NFATC2: variants seen among roughly 807,000 people sequenced by gnomAD.
NFATC2 encodes the protein nuclear factor of activated T-cells, cytoplasmic 2.
Under a neutral mutation model 87.3 loss-of-function variants are expected in NFATC2, and 22 were observed. The ratio of observed to expected loss-of-function variants is 0.25; its 90% CI spans 0.18 to 0.36. The LOEUF (loss-of-function observed/expected upper bound fraction) is 0.36, where lower values mean the gene tolerates loss of function less well. Ranked by LOEUF, NFATC2 falls within the 10% of genes least tolerant of loss-of-function variation. The probability of loss-of-function intolerance (pLI) is 1.00; values close to 1 mark genes in which losing one functional copy is unlikely to be tolerated. For synonymous variants in NFATC2, 565 were observed against 542.2 expected, an observed-to-expected ratio of 1.04 and a Z score of -0.58; for missense variants, 1,149 against 1,259.1, an observed-to-expected ratio of 0.91 and a Z score of 1.32.
At chr20:51,423,283 C>T (rs986343304) in intron 9 of NFATC2, among the ~76,000 whole-genome samples, 1 of 126,374 alleles carries the variant, frequency 7.9e-6, no homozygotes, top group Non-Finnish European at 1.6e-5. Context: ...GAGTGAGAGA[C>T]CCTCTCTCAA....
intron 5 of NFATC2, among the ~76,000 whole-genome samples, chr20:51,462,374 A>T (rs986210566): frequency 1.2e-4 from 19 of 152,146 alleles, no homozygotes; most frequent in Non-Finnish European, 2.2e-4. Context: ...TGAACCCGGT[A>T]GGCAGAAGTT....
intron 9 of NFATC2, among the ~76,000 whole-genome samples, chr20:51,430,320 T>G (rs899508409): frequency 1.3e-5 from 2 of 152,216 alleles, no homozygotes; most frequent in African/African-American, 4.8e-5. Flanking sequence ...GTTACGACCA[T>G]GCTTCATTGA....
Position 51,524,135 on chromosome 20 carries a change from T to G in NFATC2, c.131-25A>C, listed in dbSNP as rs761462314. 7.0e-7 allele frequency: 1 copy of G among 1,436,356 alleles called. No homozygotes were observed. The highest frequency in any genetic ancestry group is 9.1e-7 in the Non-Finnish European group (1 of 1,096,432). 89.0% of individuals were successfully genotyped at this position (1,436,356 alleles called of 1,614,324 possible). On this transcript the variant is annotated intron_variant, in intron 1 of 10. Transcript: ENST00000371564. The surrounding 1 kb of genome is among the most constrained non-coding windows in gnomAD (Gnocchi z 4.0). ...TCTGGAAAGAGAAGGGGGAAGGGGGTTCTTTTTAAGCCTCAAAAACAGAAC... is the reference window on the plus strand; with the variant it reads ...TCTGGAAAGAGAAGGGGGAAGGGGGGTCTTTTTAAGCCTCAAAAACAGAAC...
At chr20:51,403,796 C>T (rs1988293512) in intron 9 of NFATC2, among the ~76,000 whole-genome samples, 1 of 152,174 alleles carries the variant, frequency 6.6e-6, no homozygotes, top group Non-Finnish European at 1.5e-5. Context: ...GAATCCTGGT[C>T]TTGGATTGCT....
At chr20:51,428,449 C>T (rs1408581836) in intron 9 of NFATC2, among the ~76,000 whole-genome samples, 2 of 152,180 alleles carry the variant, frequency 1.3e-5, no homozygotes, top group African/African-American at 2.4e-5. Context: ...CTCAAGTACT[C>T]GGAGTGGAGA....
intron 6 of NFATC2, among the ~76,000 whole-genome samples, chr20:51,442,890 C>T (rs755717261): frequency 6.6e-6 from 1 of 151,972 alleles, no homozygotes; most frequent in East Asian, 1.9e-4. Flanking sequence ...TCCAGCCCTC[C>T]GGGGCCCCCA....
intron 6 of NFATC2, among the ~76,000 whole-genome samples, chr20:51,450,806 G>C (rs965082829): frequency 6.6e-6 from 1 of 152,198 alleles, no homozygotes; most frequent in African/African-American, 2.4e-5. Flanking sequence ...TATTACTCTT[G>C]TTCTTAACAG....
At chr20:51,487,598 C>T (rs150192499) in intron 3 of NFATC2, among the ~76,000 whole-genome samples, 5 of 152,236 alleles carry the variant, frequency 3.3e-5, no homozygotes, top group African/African-American at 4.8e-5. Context: ...GGCCTCTCCT[C>T]TTTCACTACA....
At chr20:51,502,853 T>C (rs1467679931) in intron 3 of NFATC2, among the ~76,000 whole-genome samples, 1 of 152,224 alleles carries the variant, frequency 6.6e-6, no homozygotes, top group African/African-American at 2.4e-5. Context: ...ATTCACTTAG[T>C]AGAAACCTCA....
chr20:51,460,113 G>A (rs148954713), intron 5 of NFATC2, among the ~76,000 whole-genome samples: 61 of 152,248 alleles, frequency 4.0e-4, no homozygotes, highest in African/African-American at 1.1e-3. Flanking sequence ...CTTTGCTATC[G>A]TTGACTTTCA....
chr20:51,491,186 T>G (rs139882821), intron 3 of NFATC2, among the ~76,000 whole-genome samples: 307 of 152,050 alleles, frequency 2.0e-3, no homozygotes, highest in African/African-American at 5.8e-3. Context: ...GGGCACAAAT[T>G]TTTAACCTTT....
intron 9 of NFATC2, among the ~76,000 whole-genome samples, chr20:51,411,560 C>T (rs1979259031): frequency 1.8e-5 from 2 of 113,036 alleles, no homozygotes; most frequent in South Asian, 3.2e-4. Context: ...CAGAGTCTTG[C>T]TCTTTCTCCC....
chr20:51,493,800 C>T (rs543313329), intron 3 of NFATC2, among the ~76,000 whole-genome samples: 23 of 152,238 alleles, frequency 1.5e-4, no homozygotes, highest in African/African-American at 5.5e-4. Context: ...AGAGCTGCTC[C>T]CCACTGTGAT....
chr20:51,392,198 C>T (rs1568916543), intron 10 of NFATC2, among the ~76,000 whole-genome samples: 2 of 152,170 alleles, frequency 1.3e-5, no homozygotes, highest in African/African-American at 2.4e-5. Context: ...AAAAGAGGAA[C>T]CCTTACAAAG....
At chr20:51,508,791 G>A (rs531462519) in intron 3 of NFATC2, among the ~76,000 whole-genome samples, 36 of 152,036 alleles carry the variant, frequency 2.4e-4, no homozygotes, top group Non-Finnish European at 4.9e-4. Context: ...AATCCAGTTA[G>A]CCTGACTTTC....
At chr20:51,444,423 C>T (rs566616104) in intron 6 of NFATC2, among the ~76,000 whole-genome samples, 1 of 152,014 alleles carries the variant, frequency 6.6e-6, no homozygotes, top group African/African-American at 2.4e-5. Context: ...CCTGGTTTCT[C>T]TTTGCAGGCA....
intron 6 of NFATC2, among the ~76,000 whole-genome samples, chr20:51,453,762 T>C (rs922526514): frequency 6.6e-6 from 1 of 152,098 alleles, no homozygotes; most frequent in Non-Finnish European, 1.5e-5. Context: ...CTTTTTAATT[T>C]AAAAAAATGG....
At chr20:51,430,944 G>A (rs1299790923) in intron 9 of NFATC2, among the ~76,000 whole-genome samples, 5 of 152,134 alleles carry the variant, frequency 3.3e-5, no homozygotes, top group Non-Finnish European at 5.9e-5. Context: ...AACTGGGAAT[G>A]ACAGCCAGCA....
intron 3 of NFATC2, among the ~76,000 whole-genome samples, chr20:51,491,444 A>T (rs1253316908): frequency 6.6e-6 from 1 of 152,198 alleles, no homozygotes; most frequent in Non-Finnish European, 1.5e-5. Context: ...TAGACCAGGA[A>T]ATATTCAACG....
Sources: gnomAD v4.1 joint callset for allele counts (sites outside exome capture counted in the v4.1 genomes callset) on GRCh38, gnomAD v4.1.1 for gene constraint, Gnocchi (gnomAD v3.1) non-coding constraint, MANE v1.5 for transcripts, NCBI Gene and HGNC (gene_info 2026-07-23, HGNC 2026-07-21) for gene names.